Variants in SH2D1A observed in about 807,000 individuals in gnomAD.
SH2D1A encodes the protein SH2 domain-containing protein 1A.
Under a neutral mutation model 10.1 loss-of-function variants are expected in SH2D1A, and 6 were observed. The ratio of observed to expected loss-of-function variants is 0.60; its 90% CI spans 0.33 to 1.18. SH2D1A has a LOEUF of 1.18. Ranked by LOEUF, SH2D1A falls within the 50% of genes most tolerant of loss-of-function variation. The probability of loss-of-function intolerance (pLI) is 0.04; values close to 1 mark genes in which losing one functional copy is unlikely to be tolerated. For synonymous variants in SH2D1A, 42 were observed against 36.9 expected, an observed-to-expected ratio of 1.14 and a Z score of -0.51; for missense variants, 51 against 97.6, an observed-to-expected ratio of 0.52 and a Z score of 2.01.
chrX:124,360,600 T>A (rs867178122), intron 1 of SH2D1A, among the ~76,000 whole-genome samples: 6 of 30,799 alleles, frequency 1.9e-4, no homozygotes, highest in African/African-American at 4.5e-4. Context: ...AAGACACCAT[T>A]AAAAAAAAAA....
chrX:124,355,174 C>T (rs1235489110), intron 1 of SH2D1A, among the ~76,000 whole-genome samples: 1 of 112,303 alleles, frequency 8.9e-6, no homozygotes, highest in African/African-American at 3.2e-5. Context: ...TAAATGTTTT[C>T]TTTTGTGTAG....
chrX:124,353,518 T>TA (rs928281025), intron 1 of SH2D1A, among the ~76,000 whole-genome samples: 1 of 111,221 alleles, frequency 9.0e-6, no homozygotes, highest in African/African-American at 3.3e-5. Flanking sequence ...TTGTTTTTTT[T>TA]AGATACATCA....
At chrX:124,357,907 C>T (rs892807955) in intron 1 of SH2D1A, among the ~76,000 whole-genome samples, 3 of 110,064 alleles carry the variant, frequency 2.7e-5, no homozygotes, top group Non-Finnish European at 3.8e-5. Context: ...GCAAACTCCA[C>T]CTCCCAGGTT....
chrX:124,346,690 C>T lies in SH2D1A; in HGVS notation c.48C>T (p.Gly16=), dbSNP rs72610640. The change falls in exon 1 of 4, where the codon GGC becomes GGT. Residue 16 remains glycine (G), a synonymous_variant. Transcript: ENST00000371139. ...VYHGKISRET[G]EKLLLATGLD... ...ATGGCAAAATCAGCAGGGAAACCGG[C>T]GAGAAGCTCCTGCTTGCCACTGGGC... The T allele has an allele frequency of 3.1e-3, 3,809 of 1,210,010 alleles. 3 individuals are homozygous for T. The highest frequency in any genetic ancestry group is 4.0e-3 in the Non-Finnish European group (3,551 of 894,822).
intron 1 of SH2D1A, among the ~76,000 whole-genome samples, chrX:124,348,172 C>A (rs2059998786): frequency 9.0e-6 from 1 of 111,697 alleles, no homozygotes; most frequent in Non-Finnish European, 1.9e-5. Flanking sequence ...TATTGAATGT[C>A]TTGGGCTTGA....
intron 1 of SH2D1A, chrX:124,353,249 C>A: frequency 8.0e-6 from 1 of 124,579 alleles, no homozygotes; most frequent in Non-Finnish European, 1.7e-5. Flanking sequence ...TAAGTCTCTC[C>A]ATTTATAATT....
intron 1 of SH2D1A, among the ~76,000 whole-genome samples, chrX:124,360,600 T>TAAAA (rs57948305): frequency 4.5e-4 from 14 of 30,793 alleles, no homozygotes; most frequent in African/African-American, 6.0e-4. Flanking sequence ...AAGACACCAT[T>TAAAA]AAAAAAAAAA....
At position 124,361,943 on chromosome X, in the gene SH2D1A, G is replaced by A. The variant is rs1432975270; in HGVS notation, c.138-3818G>A. On this transcript the variant is annotated intron_variant, in intron 1 of 3. Transcript: ENST00000371139. Reference sequence around the variant, plus strand: ...AATAAATGAGGAAGCTTGTTCTGGAGACAACACTAAGGGTGTGGCTGGACT... The same window carrying A: ...AATAAATGAGGAAGCTTGTTCTGGAAACAACACTAAGGGTGTGGCTGGACT... Among the ~76,000 whole-genome samples, 3 of 111,755 alleles carry A rather than the reference G, an allele frequency of 2.7e-5. No individual in the cohort carries two copies. In the East Asian group the frequency reaches 8.4e-4, roughly 31 times the overall value.
At chrX:124,365,565 C>T (rs1244767863) in intron 1 of SH2D1A, among the ~76,000 whole-genome samples, 196 bp from the exon 2 acceptor site, 1 of 111,264 alleles carries the variant, frequency 9.0e-6, no homozygotes, top group Non-Finnish European at 1.9e-5. Flanking sequence ...ATAAAGAAAT[C>T]TCACTGGAAA....
At chrX:124,363,100 C>T (rs2060044181) in intron 1 of SH2D1A, among the ~76,000 whole-genome samples, 1 of 111,484 alleles carries the variant, frequency 9.0e-6, no homozygotes, top group African/African-American at 3.3e-5. Flanking sequence ...TTTGTTATGG[C>T]AGCCAAGCAG....
rs1008736984 is a variant in SH2D1A, at chrX:124,364,332, T to A, written c.138-1429T>A. 12 of 215,903 alleles carry A rather than the reference T, an allele frequency of 5.6e-5. No individual in the cohort carries two copies. The East Asian group carries it at 1.6e-3, about 30-fold the overall frequency. The allele number at this position is 215,903 out of a possible 1,213,427, so 17.8% of individuals were successfully genotyped here. Reference sequence around the variant, plus strand: ...TAGCAAAGAATACATAAAATAAAAATTTTGAAACAGAGAAAAGCTTATGGA... The same window carrying A: ...TAGCAAAGAATACATAAAATAAAAAATTTGAAACAGAGAAAAGCTTATGGA... On this transcript the variant is annotated intron_variant, in intron 1 of 3. Coordinates refer to ENST00000371139, the MANE Select transcript of SH2D1A (RefSeq NM_002351.5).
intron 1 of SH2D1A, among the ~76,000 whole-genome samples, chrX:124,350,344 AAT>A (rs1165910789): frequency 3.6e-5 from 1 of 27,739 alleles, no homozygotes; most frequent in African/African-American, 1.7e-4. Flanking sequence ...ATAATATATA[AAT>A]ATATATTATA....
At chrX:124,352,230 T>G (rs756683858) in intron 1 of SH2D1A, among the ~76,000 whole-genome samples, 1 of 111,233 alleles carries the variant, frequency 9.0e-6, no homozygotes, top group Non-Finnish European at 1.9e-5. Flanking sequence ...GCAATTGTCC[T>G]AATATAATTT....
intron 1 of SH2D1A, among the ~76,000 whole-genome samples, chrX:124,356,193 C>G (rs906637264): frequency 9.1e-6 from 1 of 109,341 alleles, no homozygotes; most frequent in Non-Finnish European, 1.9e-5. Context: ...TGAGAATGAT[C>G]GTTTCCAGCT....
At chrX:124,346,826 G>A in intron 1 of SH2D1A, 47 bp downstream of exon 1, 1 of 1,202,563 alleles carries the variant, frequency 8.3e-7, no homozygotes, top group Non-Finnish European at 1.1e-6. Flanking sequence ...TGTGGGCGGT[G>A]GGCAACAGCA....
intron 2 of SH2D1A, among the ~76,000 whole-genome samples, chrX:124,366,876 A>AACACACACACAC (rs59536671): frequency 2.3e-3 from 204 of 87,089 alleles, no homozygotes; most frequent in Non-Finnish European, 4.2e-3. Context: ...TATACTGACA[A>AACACACACACAC]ACACACACAC....
Position 124,360,445 on chromosome X carries a change from T to TAAA in SH2D1A, c.138-5291_138-5289dup, listed in dbSNP as rs752399450. On this transcript the variant is annotated intron_variant, in intron 1 of 3. Transcript: ENST00000371139. ...AGCAAGACCCTGTCTCTGCAAAAACTAAAAAAAAAAAAAAAAAAAAAAAAA... is the reference window on the plus strand; with the variant it reads ...AGCAAGACCCTGTCTCTGCAAAAACTAAAAAAAAAAAAAAAAAAAAAAAAAAAA... 8.2e-3 allele frequency among the ~76,000 whole-genome samples: 261 copies of TAAA among 31,993 alleles called. 8 individuals carry two copies. Among genetic ancestry groups the TAAA allele is most frequent in the African/African-American group, 0.033 (250 of 7,529 alleles). 27.8% of individuals were successfully genotyped at this position (31,993 alleles called of 115,157 possible).
In SH2D1A at chrX:124,360,406, G is replaced by A. The variant is rs186980625; in HGVS notation, c.138-5355G>A. 1.4e-4 allele frequency among the ~76,000 whole-genome samples: 12 copies of A among 88,734 alleles called. No individual in the cohort carries two copies. The South Asian group carries it at 5.1e-3, about 38-fold the overall frequency. The allele number at this position is 88,734 out of a possible 115,157, so 77.1% of individuals were successfully genotyped here. A position where few individuals can be genotyped will look rare whatever the true frequency, so the allele number is the denominator to read the frequency against. On this transcript the variant is annotated intron_variant, in intron 1 of 3. Coordinates refer to ENST00000371139, the MANE Select transcript of SH2D1A (RefSeq NM_002351.5). ...AGCTTGAGGCCAGGAGTTCAAGACC[G>A]TCGTGGTCAACAGAGCAAGACCCTG...
intron 1 of SH2D1A, among the ~76,000 whole-genome samples, chrX:124,354,038 A>T (rs2060021139): frequency 8.9e-6 from 1 of 112,037 alleles, no homozygotes; most frequent in Non-Finnish European, 1.9e-5. Context: ...ACTTGCATTT[A>T]GTTTTTGAAT....
Sources: gnomAD v4.1 joint callset for allele counts (sites outside exome capture counted in the v4.1 genomes callset) on GRCh38, gnomAD v4.1.1 for gene constraint, MANE v1.5 for transcripts, NCBI Gene and HGNC (gene_info 2026-07-23, HGNC 2026-07-21) for gene names.